ZNF804B: variants seen among roughly 807,000 people sequenced by gnomAD.
ZNF804B encodes zinc finger 804B.
ZNF804B carries 80 observed loss-of-function variants against 101.4 expected under a neutral mutation model. That is an observed-to-expected ratio of 0.79 (90% CI 0.66 to 0.95). The LOEUF is 0.95. Ranked by LOEUF, ZNF804B falls within the 40% of genes least tolerant of loss-of-function variation. The pLI is 0.00. For synonymous variants in ZNF804B, 622 were observed against 558.8 expected (o/e 1.11, Z -1.59); for missense variants, 1,673 against 1,561.9 (o/e 1.07, Z -1.20).
chr7:88,854,548 TTCC>T (rs1791525245), intron 1 of ZNF804B, among the ~76,000 whole-genome samples: 1 of 126,132 alleles, frequency 7.9e-6, no homozygotes, highest in African/African-American at 3.2e-5. Flanking sequence ...CCTTCCTTCC[TTCC>T]TTCCTTCCTT....
chr7:88,882,089 T>C (rs924483083), intron 1 of ZNF804B, among the ~76,000 whole-genome samples: 2 of 152,102 alleles, frequency 1.3e-5, no homozygotes, highest in Admixed American at 6.6e-5. Context: ...TAACGAAAGC[T>C]CCAGTGCTCA....
chr7:88,790,151 G>C (rs779775468), intron 1 of ZNF804B, among the ~76,000 whole-genome samples: 3 of 151,956 alleles, frequency 2.0e-5, no homozygotes, highest in Admixed American at 6.6e-5. Flanking sequence ...TATGTTCGCT[G>C]TTATATGAAT....
intron 1 of ZNF804B, among the ~76,000 whole-genome samples, chr7:89,204,900 G>T (rs1788693642): frequency 1.3e-5 from 2 of 152,128 alleles, no homozygotes; most frequent in Non-Finnish European, 2.9e-5. Flanking sequence ...ATTGTGTGGT[G>T]AGTTAGTGTA....
At chr7:89,007,646 G>A (rs1788390933) in intron 1 of ZNF804B, among the ~76,000 whole-genome samples, 1 of 143,650 alleles carries the variant, frequency 7.0e-6, no homozygotes, top group Non-Finnish European at 1.5e-5. Context: ...TTTGTAAAAA[G>A]CTTTGAAGTA....
intron 1 of ZNF804B, among the ~76,000 whole-genome samples, chr7:88,817,127 C>T (rs1463530955): frequency 6.6e-6 from 1 of 151,982 alleles, no homozygotes; most frequent in Non-Finnish European, 1.5e-5. Context: ...CAAACTATCT[C>T]AAGGACAGAA....
intron 1 of ZNF804B, among the ~76,000 whole-genome samples, chr7:89,134,435 T>A (rs1790599834): frequency 6.6e-6 from 1 of 152,032 alleles, no homozygotes; most frequent in African/African-American, 2.4e-5. Context: ...CAGAGCATAA[T>A]CTCTGCATCC....
At chr7:88,845,436 A>G (rs1791359785) in intron 1 of ZNF804B, among the ~76,000 whole-genome samples, 1 of 152,172 alleles carries the variant, frequency 6.6e-6, no homozygotes. Context: ...GAATCTGGAA[A>G]TCCTGACCCT....
chr7:89,166,364 A>G (rs562245389), intron 1 of ZNF804B, among the ~76,000 whole-genome samples: 74 of 152,320 alleles, frequency 4.9e-4, no homozygotes, highest in East Asian at 9.6e-4. Context: ...AGTTTTACCA[A>G]TAACAATATA....
At chr7:89,006,815 AT>A (rs1283830928) in intron 1 of ZNF804B, among the ~76,000 whole-genome samples, 3 of 151,566 alleles carry the variant, frequency 2.0e-5, no homozygotes, top group South Asian at 2.1e-4. Context: ...ATGTAGATTA[AT>A]TTTTTTTTCT....
chr7:88,784,611 G>A (rs377202045), intron 1 of ZNF804B, among the ~76,000 whole-genome samples: 46 of 152,102 alleles, frequency 3.0e-4, no homozygotes, highest in African/African-American at 1.1e-3. Context: ...AATATACTCC[G>A]CACATTCACT....
intron 2 of ZNF804B, among the ~76,000 whole-genome samples, chr7:89,285,283 G>A (rs113235498): frequency 0.037 from 5,572 of 151,774 alleles, 316 homozygotes; most frequent in African/African-American, 0.13. Flanking sequence ...AGCACTTTGG[G>A]AGCCCGAGGC....
At chr7:89,239,503 A>G (rs761462691) in intron 2 of ZNF804B, among the ~76,000 whole-genome samples, 1 of 152,114 alleles carries the variant, frequency 6.6e-6, no homozygotes, top group Non-Finnish European at 1.5e-5. Context: ...AAATCCAGCT[A>G]TTTAGAATAC....
At chr7:89,295,899 T>A (rs1790374896) in intron 2 of ZNF804B, among the ~76,000 whole-genome samples, 1 of 152,068 alleles carries the variant, frequency 6.6e-6, no homozygotes, top group South Asian at 2.1e-4. Context: ...AAGTAACACA[T>A]GAGTGGAAAA....
chr7:88,854,414 C>CCTTCCTTCCTTTCTTCCTTT (rs1232481883), intron 1 of ZNF804B, among the ~76,000 whole-genome samples: 1 of 57,074 alleles, frequency 1.8e-5, no homozygotes, highest in African/African-American at 6.3e-5. Flanking sequence ...TTTCTTTCTT[C>CCTTCCTTCCTTTCTTCCTTT]CTTTCTTTCT....
chr7:89,228,125 G>C (rs1460152660), intron 2 of ZNF804B, among the ~76,000 whole-genome samples: 1 of 152,088 alleles, frequency 6.6e-6, no homozygotes, highest in Non-Finnish European at 1.5e-5. Context: ...CTGATGTTCG[G>C]ATGTGTTTGG....
At chr7:88,949,084 T>G (rs936944336) in intron 1 of ZNF804B, among the ~76,000 whole-genome samples, 1 of 151,828 alleles carries the variant, frequency 6.6e-6, no homozygotes, top group Non-Finnish European at 1.5e-5. Context: ...TTTTTTTGGA[T>G]TGTTCTATTC....
chr7:88,972,506 G>A (rs1003666071), intron 1 of ZNF804B, among the ~76,000 whole-genome samples: 1 of 151,258 alleles, frequency 6.6e-6, no homozygotes, highest in Non-Finnish European at 1.5e-5. Context: ...ACCTAGCATA[G>A]CCTATGTACT....
chr7:89,043,541 A>G (rs1272385942), intron 1 of ZNF804B, among the ~76,000 whole-genome samples: 2 of 152,210 alleles, frequency 1.3e-5, no homozygotes, highest in Non-Finnish European at 2.9e-5. Flanking sequence ...TCATTGAGAA[A>G]CATAATATAG....
chr7:88,834,547 C>A lies in ZNF804B; in HGVS notation c.108+74463C>A, dbSNP rs138205711. ...AGTTCTTGAAGAAACTTATGAACCC[C>A]TTCTGAGATTTACTTTATAATGATT... is the stretch of plus-strand genomic sequence containing the variant. On this transcript the variant is annotated intron_variant, in intron 1 of 3. Transcript: ENST00000333190. Among the ~76,000 whole-genome samples, 204 of 151,654 alleles carry A rather than the reference C, an allele frequency of 1.3e-3. 3 individuals carry two copies. The East Asian group carries it at 0.024, about 18-fold the overall frequency.
Sources: allele counts gnomAD v4.1 joint callset (sites outside exome capture counted in the v4.1 genomes callset), GRCh38; gene constraint gnomAD v4.1.1; transcripts MANE v1.5; gene names NCBI Gene and HGNC (gene_info 2026-07-23, HGNC 2026-07-21).